Variants in POLDIP3 observed in about 807,000 individuals in gnomAD.
The protein encoded by POLDIP3 is DNA polymerase delta interacting protein 3, also known as polymerase delta-interacting protein 3.
Under a neutral mutation model 45.1 loss-of-function variants are expected in POLDIP3, and 14 were observed. The observed-to-expected ratio is 0.31, with a 90% CI of 0.20 to 0.49. The LOEUF is 0.49. Among genes scored for constraint, POLDIP3 ranks in the 20% least tolerant of loss-of-function variants. The pLI, the probability that POLDIP3 is intolerant of heterozygous loss-of-function variation, is 0.99. For synonymous variants in POLDIP3, 223 were observed against 205.2 expected (o/e 1.09, Z -0.74); for missense variants, 511 against 538.8 (o/e 0.95, Z 0.51).
intron 1 of POLDIP3, among the ~76,000 whole-genome samples, chr22:42,604,925 C>T (rs1439895028): frequency 6.6e-6 from 1 of 152,154 alleles, no homozygotes; most frequent in Admixed American, 6.5e-5. Flanking sequence ...GTCATGAGGA[C>T]AGAGACTTCA....
Position 42,585,773 on chromosome 22 carries a change from G to A in POLDIP3, c.*18C>T. 6.2e-7 allele frequency: 1 copy of A among 1,604,312 alleles called. No individual in the cohort carries two copies. The highest frequency in any genetic ancestry group is 8.5e-7 in the Non-Finnish European group (1 of 1,175,174). ...CCACCCTCCTCTGCCCCCACTTCTG[G>A]CTGCCTCACTCCCCTGCTCAAAGCT... On this transcript the variant is annotated 3_prime_UTR_variant, in exon 9 of 9. Transcript: ENST00000252115.
At chr22:42,600,255 CAT>C (rs1450995028) in intron 3 of POLDIP3, among the ~76,000 whole-genome samples, 2 of 152,134 alleles carry the variant, frequency 1.3e-5, no homozygotes, top group Non-Finnish European at 2.9e-5. Context: ...GTTACTAAAA[CAT>C]GTACAGTAAA....
intron 1 of POLDIP3, among the ~76,000 whole-genome samples, chr22:42,613,960 G>A (rs995685613): frequency 2.6e-5 from 4 of 152,172 alleles, no homozygotes; most frequent in African/African-American, 7.2e-5. Context: ...CAACATTTAA[G>A]GGTCTAGGGG....
At chr22:42,605,119 TTTC>T (rs1333209804) in intron 1 of POLDIP3, among the ~76,000 whole-genome samples, 1 of 152,046 alleles carries the variant, frequency 6.6e-6, no homozygotes, top group Non-Finnish European at 1.5e-5. Context: ...GGAAGTTTCT[TTTC>T]TTCAGTTTTG....
chr22:42,589,600 AG>A (rs1370404666), intron 7 of POLDIP3, among the ~76,000 whole-genome samples: 12 of 152,260 alleles, frequency 7.9e-5, no homozygotes, highest in African/African-American at 2.9e-4. Context: ...ACTTGAGGTC[AG>A]GACTTCAAAA....
At chr22:42,601,710 G>A (rs1285280406) in intron 3 of POLDIP3, among the ~76,000 whole-genome samples, 1 of 152,122 alleles carries the variant, frequency 6.6e-6, no homozygotes, top group Non-Finnish European at 1.5e-5. Flanking sequence ...GCAGTGAGCC[G>A]AGATTACGCC....
Position 42,584,701 on chromosome 22 carries a change from T to G in POLDIP3, c.*1090A>C. The G allele has an allele frequency of 2.8e-6, 1 of 359,566 alleles. No individual in the cohort carries two copies. The highest frequency in any genetic ancestry group is 2.1e-5 in the South Asian group (1 of 48,230). The allele number at this position is 359,566 out of a possible 1,614,324, so 22.3% of individuals were successfully genotyped here. ...AGAGCTGCCCTGCTCCCTTGACTCC[T>G]CCTCCTCTGCCAAGGCAGGAAAATA... is the stretch of plus-strand genomic sequence containing the variant. On this transcript the variant is annotated 3_prime_UTR_variant, in exon 9 of 9. Coordinates refer to ENST00000252115, the MANE Select transcript of POLDIP3 (RefSeq NM_032311.5).
chr22:42,586,036 T>C, intron 8 of POLDIP3, 68 bp from the exon 9 acceptor site: 1 of 1,432,726 alleles, frequency 7.0e-7, no homozygotes, highest in African/African-American at 1.4e-5. Flanking sequence ...GGACCCACCA[T>C]TTACTGGGCA....
chr22:42,608,355 C>T (rs1331350849), intron 1 of POLDIP3, among the ~76,000 whole-genome samples: 1 of 150,136 alleles, frequency 6.7e-6, no homozygotes, highest in East Asian at 1.9e-4. Context: ...CCCAGGAGGT[C>T]CAGGCTGCAG....
chr22:42,594,965 T>A (rs1444171581), intron 6 of POLDIP3, among the ~76,000 whole-genome samples: 1 of 152,246 alleles, frequency 6.6e-6, no homozygotes. Flanking sequence ...GCCAGGCACC[T>A]GGCCTTGGCT....
intron 4 of POLDIP3, among the ~76,000 whole-genome samples, chr22:42,597,334 G>C (rs548222311): frequency 1.3e-5 from 2 of 152,344 alleles, no homozygotes; most frequent in South Asian, 4.1e-4. Flanking sequence ...ATCAGAGCAT[G>C]GGCACGGGCA....
At chr22:42,587,946 G>A (rs140218805) in intron 7 of POLDIP3, among the ~76,000 whole-genome samples, 39 of 152,298 alleles carry the variant, frequency 2.6e-4, no homozygotes, top group African/African-American at 9.4e-4. Context: ...CTTCTACTCT[G>A]TCTACAAAGG....
chr22:42,611,525 A>C (rs1465538567), intron 1 of POLDIP3, among the ~76,000 whole-genome samples: 1 of 152,200 alleles, frequency 6.6e-6, no homozygotes, highest in Non-Finnish European at 1.5e-5. Context: ...TTAAACAACA[A>C]AATTCTTCCT....
At chr22:42,608,063 C>G (rs12628877) in intron 1 of POLDIP3, among the ~76,000 whole-genome samples, 16,239 of 152,236 alleles carry the variant, frequency 0.11, 1,822 homozygotes, top group East Asian at 0.68. Context: ...GGAGGTGTAC[C>G]CAACAGCTCA....
In POLDIP3 at chr22:42,595,604, C is replaced by T; in HGVS notation, c.824G>A (p.Ser275Asn). The change falls in exon 6 of 9, where the codon AGC becomes AAC. Residue 275 changes from serine (S) to asparagine (N), a missense_variant. Around this residue, in one of 4 missense-constraint regions of POLDIP3, gnomAD observed 378 missense variants for 352.3 expected, o/e 1.07. Coordinates refer to ENST00000252115, the MANE Select transcript of POLDIP3 (RefSeq NM_032311.5). ...KELPAAEPVL[S>N]PLEGTKMTVN... ...AGTCATCTTGGTGCCTTCCAATGGG[C>T]TGAGAACAGGCTGCCACACAGACAA... 1 of 1,613,912 alleles carries T rather than the reference C, an allele frequency of 6.2e-7. No homozygotes were observed. Among genetic ancestry groups the T allele is most frequent in the Non-Finnish European group, 8.5e-7 (1 of 1,179,910 alleles).
chr22:42,606,870 G>C (rs561049328), intron 1 of POLDIP3, among the ~76,000 whole-genome samples: 28 of 152,204 alleles, frequency 1.8e-4, no homozygotes, highest in Non-Finnish European at 3.4e-4. Flanking sequence ...AAGGGGTGAG[G>C]AATGGACTTG....
intron 1 of POLDIP3, among the ~76,000 whole-genome samples, chr22:42,613,893 A>C (rs1927286318): frequency 6.6e-6 from 1 of 152,238 alleles, no homozygotes; most frequent in Non-Finnish European, 1.5e-5. Context: ...ACTATTGGGC[A>C]AAGTTCTCAC....
intron 8 of POLDIP3, 137 bp downstream of exon 8, chr22:42,587,369 A>G (rs916262263): frequency 1.6e-5 from 15 of 913,692 alleles, no homozygotes; most frequent in Non-Finnish European, 2.6e-5. Context: ...TAAGCATATG[A>G]AACGGCCAGC....
chr22:42,599,231 G>A (rs1349371975), intron 4 of POLDIP3, among the ~76,000 whole-genome samples: 3 of 152,188 alleles, frequency 2.0e-5, no homozygotes, highest in Non-Finnish European at 2.9e-5. Context: ...GTGTCTCAGC[G>A]TTTATAAAAC....
Sources: gnomAD v4.1 joint callset for allele counts (sites outside exome capture counted in the v4.1 genomes callset) on GRCh38, gnomAD v4.1.1 for gene constraint, gnomAD v4.1.1 regional missense constraint, MANE v1.5 for transcripts, NCBI Gene and HGNC (gene_info 2026-07-23, HGNC 2026-07-21) for gene names.